The following ATP2A3 variants were observed in gnomAD, a reference collection of about 807,000 sequenced individuals.
ATP2A3 encodes ATPase sarcoplasmic/endoplasmic reticulum Ca2+ transporting 3, also known as sarcoplasmic/endoplasmic reticulum calcium ATPase 3.
A neutral mutation model predicts 106.8 loss-of-function variants in ATP2A3; 61 were observed. That is an observed-to-expected ratio of 0.57 (90% CI 0.46 to 0.71). The LOEUF (loss-of-function observed/expected upper bound fraction) is 0.71. ATP2A3 is among the 30% of genes least tolerant of loss of function. The pLI is 0.00. For missense variants in ATP2A3, 1,201 were observed against 1,423.5 expected (o/e 0.84, Z 2.52); for synonymous variants, 611 against 609.3 (o/e 1.00, Z -0.04).
At position 3,925,409 on chromosome 17, in the gene ATP2A3, C is replaced by T. The variant is rs1567670724; in HGVS notation, c.*13G>A. On this transcript the variant is annotated 3_prime_UTR_variant, in exon 21 of 21. Transcript: ENST00000397041. The surrounding 1 kb of genome is among the most constrained non-coding windows in gnomAD (Gnocchi z 4.2). ...TGAGGTACACACCGGAGACTCCACT[C>T]TGTTCCCAGCGCTCACTTCTGGCTC... 1.2e-6 allele frequency: 2 copies of T among 1,613,884 alleles called. No homozygotes were observed. The highest frequency in any genetic ancestry group is 3.3e-5 in the Admixed American group (2 of 60,004).
chr17:3,924,518 T>C lies in ATP2A3; in HGVS notation c.*904A>G. 3.1e-6 allele frequency: 1 copy of C among 321,388 alleles called. No homozygotes were observed. Among genetic ancestry groups the C allele is most frequent in the East Asian group, 9.6e-5 (1 of 10,434 alleles). 19.9% of individuals were successfully genotyped at this position (321,388 alleles called of 1,614,324 possible). On this transcript the variant is annotated 3_prime_UTR_variant, in exon 21 of 21. Transcript: ENST00000397041. This position sits in a 1 kb window ranked among gnomAD's most constrained non-coding sequence, Gnocchi z 6.4. ...TGCAGACAGCGCGGCGGCCGCACACTGGGCTGGGTAGAAGGGCGCCACGGT... is the reference window on the plus strand; with the variant it reads ...TGCAGACAGCGCGGCGGCCGCACACCGGGCTGGGTAGAAGGGCGCCACGGT...
chr17:3,935,373 G>T, intron 16 of ATP2A3, 96 bp from the exon 17 acceptor site: 2 of 1,204,312 alleles, frequency 1.7e-6, no homozygotes, highest in Non-Finnish European at 1.2e-6. Flanking sequence ...CCTGCAGGGA[G>T]CCACCCTTTT....
At chr17:3,927,856 GCCC>G (rs936879068) in intron 20 of ATP2A3, 8 of 1,550,410 alleles carry the variant, frequency 5.2e-6, no homozygotes, top group Non-Finnish European at 6.9e-6. Context: ...GCCAGAGGTG[GCCC>G]CCAACGACCC....
At position 3,928,785 on chromosome 17, in the gene ATP2A3, C is replaced by T. The variant is rs73328992; in HGVS notation, c.2863-5G>A. On this transcript the variant is annotated splice_region_variant and splice_polypyrimidine_tract_variant and intron_variant, in intron 19 of 20. Transcript: ENST00000397041. The surrounding 1 kb of genome is among the most constrained non-coding windows in gnomAD (Gnocchi z 6.1). ...TGGGGTCACCTGGAAAATGAGCTGGCGGGGAGGGGAAGGGAGGTTTGGTTA... is the reference window on the plus strand; with the variant it reads ...TGGGGTCACCTGGAAAATGAGCTGGTGGGGAGGGGAAGGGAGGTTTGGTTA... The T allele has an allele frequency of 0.011, 17,810 of 1,552,320 alleles. 1,704 individuals are homozygous for T. In the African/African-American group the frequency reaches 0.21, roughly 19 times the overall value.
intron 14 of ATP2A3, among the ~76,000 whole-genome samples, chr17:3,939,447 T>G (rs1192191770): frequency 1.3e-5 from 2 of 152,002 alleles, no homozygotes; most frequent in Non-Finnish European, 2.9e-5. Context: ...CAAAGAGGAA[T>G]GGTTCAATAA....
At position 3,926,189 on chromosome 17, in the gene ATP2A3, G is replaced by A. The variant is rs553958060; in HGVS notation, c.2981-748C>T. On this transcript the variant is annotated intron_variant, in intron 20 of 20. Coordinates refer to ENST00000397041, the MANE Select transcript of ATP2A3 (RefSeq NM_005173.4). This position sits in a 1 kb window ranked among gnomAD's most constrained non-coding sequence, Gnocchi z 4.6. Reference sequence around the variant, plus strand: ...ATCCCTCGTAAATGACATAAATCACGGGGAAGCCACAAGCATCAGGCTTCA... The same window carrying A: ...ATCCCTCGTAAATGACATAAATCACAGGGAAGCCACAAGCATCAGGCTTCA... Among the ~76,000 whole-genome samples, 67 of 152,298 alleles carry A rather than the reference G, an allele frequency of 4.4e-4. No homozygotes were observed. The highest frequency in any genetic ancestry group is 3.4e-3 in the Middle Eastern group (1 of 294).
At chr17:3,952,642 T>C (rs1222652505) in intron 3 of ATP2A3, among the ~76,000 whole-genome samples, 1 of 152,190 alleles carries the variant, frequency 6.6e-6, no homozygotes, top group African/African-American at 2.4e-5. Context: ...CAGGCTGGAA[T>C]GCAGTGGTGT....
intron 12 of ATP2A3, 101 bp from the exon 13 acceptor site, chr17:3,941,755 G>GCCA: frequency 2.4e-6 from 3 of 1,266,456 alleles, no homozygotes; most frequent in Non-Finnish European, 3.3e-6. Flanking sequence ...ACGGGCAAAG[G>GCCA]CCACCCAAGG....
rs912535929 is a variant in ATP2A3 at position 3,927,794 on chromosome 17, G to C, written c.2980+869C>G. 5 of 985,128 alleles carry C rather than the reference G, an allele frequency of 5.1e-6. No homozygotes were observed. The South Asian group carries it at 1.4e-4, about 28-fold the overall frequency. The allele number at this position is 985,128 out of a possible 1,614,324, so 61.0% of individuals were successfully genotyped here. A position where few individuals can be genotyped will look rare whatever the true frequency, so the allele number is the denominator to read the frequency against. On this transcript the variant is annotated intron_variant, in intron 20 of 20. Coordinates refer to ENST00000397041, the MANE Select transcript of ATP2A3 (RefSeq NM_005173.4). ...CTTGCTCAGCCCCTAGGGAATGACA[G>C]ACGCGTGATCTATTTATAGTCCCTC... is the stretch of plus-strand genomic sequence containing the variant.
rs1043975469 is a variant in ATP2A3 at position 3,926,392 on chromosome 17, C to T, written c.2981-951G>A. Among the ~76,000 whole-genome samples the T allele has an allele frequency of 1.3e-5, 2 of 152,134 alleles. No homozygotes were observed. Among genetic ancestry groups the T allele is most frequent in the Non-Finnish European group, 2.9e-5 (2 of 68,024 alleles). On this transcript the variant is annotated intron_variant, in intron 20 of 20. Coordinates refer to ENST00000397041, the MANE Select transcript of ATP2A3 (RefSeq NM_005173.4). The surrounding 1 kb of genome is among the most constrained non-coding windows in gnomAD (Gnocchi z 4.6). ...CTCCACCCCACCCCTCAGATGGAGC[C>T]GCAGGTACCCAGCCTGTGTCTGTCC...
chr17:3,927,966 G>A, intron 20 of ATP2A3: 1 of 1,613,692 alleles, frequency 6.2e-7, no homozygotes. Context: ...CAAATTCCCA[G>A]GAACCGGAGC....
Position 3,930,567 on chromosome 17 carries a change from GGCTGGGGATCCCGGGA to G in ATP2A3, c.2611-149_2611-134del. 2.2e-6 allele frequency: 3 copies of G among 1,384,186 alleles called. No individual in the cohort carries two copies. The highest frequency in any genetic ancestry group is 3.0e-6 in the Non-Finnish European group (3 of 1,008,786). The allele number at this position is 1,384,186 out of a possible 1,614,324, so 85.7% of individuals were successfully genotyped here. On this transcript the variant is annotated intron_variant, in intron 17 of 20. Transcript: ENST00000397041. The surrounding 1 kb of genome is among the most constrained non-coding windows in gnomAD (Gnocchi z 5.4). ...GCACACAAAACACTGCCGTGGGGTG[GGCTGGGGATCCCGGGA>G]GGGGTGCGGGGTCGGGGCGGCGGTG... is the stretch of plus-strand genomic sequence containing the variant.
Position 3,942,915 on chromosome 17 carries a change from G to A in ATP2A3, c.1420-184C>T, listed in dbSNP as rs141450550. 3.0e-3 allele frequency among the ~76,000 whole-genome samples: 453 copies of A among 152,264 alleles called. 1 individual carries two copies. The highest frequency in any genetic ancestry group is 3.4e-3 in the Middle Eastern group (1 of 294). ...GCCCCAGAAATGGCAATACGATGCC[G>A]TTTGCTGACCATGCTGTGTGCAGCC... On this transcript the variant is annotated intron_variant, in intron 11 of 20. Transcript: ENST00000397041.
In ATP2A3 at chr17:3,944,737, G is replaced by A; in HGVS notation, c.1254C>T (p.Ala418=). The A allele has an allele frequency of 6.2e-7, 1 of 1,613,358 alleles. No homozygotes were observed. The highest frequency in any genetic ancestry group is 8.5e-7 in the Non-Finnish European group (1 of 1,179,728). Residue 418 remains alanine (A), a synonymous_variant, in exon 10 of 21, where the codon GCC becomes GCT. Transcript: ENST00000397041. The stretch of plus-strand genomic sequence containing the variant: ...AGTCCAGAGCCGAGTCGTTGCACAG[G>A]GCGCAGATGGTCGCCAGCTCCACCA... The part of the protein sequence containing the change: ...DGLVELATIC[A]LCNDSALDYN...
Position 3,942,858 on chromosome 17 carries a change from C to T in ATP2A3, c.1420-127G>A, listed in dbSNP as rs183991780. 64 of 1,417,600 alleles carry T rather than the reference C, an allele frequency of 4.5e-5. No individual in the cohort carries two copies. The Admixed American group carries it at 1.0e-3, about 22-fold the overall frequency. 87.8% of individuals were successfully genotyped at this position (1,417,600 alleles called of 1,614,324 possible). A position where few individuals can be genotyped will look rare whatever the true frequency, so the allele number is the denominator to read the frequency against. The stretch of plus-strand genomic sequence containing the variant: ...GGGATGACATCTACACTCCTCTGAC[C>T]CCACCATTCAAGGCCTCCATTTCCC... On this transcript the variant is annotated intron_variant, in intron 11 of 20. Transcript: ENST00000397041.
chr17:3,943,250 C>T (rs2053883774), intron 11 of ATP2A3, 141 bp downstream of exon 11: 20 of 1,353,808 alleles, frequency 1.5e-5, no homozygotes, highest in Admixed American at 8.2e-5. Flanking sequence ...AAAGCCTGGG[C>T]GACAGAATGA....
In ATP2A3 at chr17:3,947,810, T is replaced by A; in HGVS notation, c.676A>T (p.Thr226Ser). 1.3e-6 allele frequency: 2 copies of A among 1,599,692 alleles called. No individual in the cohort carries two copies. The highest frequency in any genetic ancestry group is 2.2e-5 in the South Asian group (2 of 91,088). The stretch of plus-strand genomic sequence containing the variant: ...TTGCCCAGCTCCGTGTGCAGGCCGG[T>A]GGCCACGGCCACACCCACCGCTTTG... ...SGKAVGVAVA[T>S]GLHTELGKIR... Residue 226 changes from threonine (T) to serine (S), a missense_variant, in exon 8 of 21, where the codon ACC becomes TCC. By Grantham distance (58) the Thr-to-Ser change is moderately conservative. This residue lies in a region of ATP2A3 where 935 missense variants were observed against 1,176.7 expected (regional missense o/e 0.79). Coordinates refer to ENST00000397041, the MANE Select transcript of ATP2A3 (RefSeq NM_005173.4). The surrounding 1 kb of genome is among the most constrained non-coding windows in gnomAD (Gnocchi z 7.7).
chr17:3,930,118 T>G lies in ATP2A3; in HGVS notation c.2744+183A>C, dbSNP rs2052974589. Among the ~76,000 whole-genome samples the G allele has an allele frequency of 7.0e-6, 1 of 142,444 alleles. No individual in the cohort carries two copies. Among genetic ancestry groups the G allele is most frequent in the Non-Finnish European group, 1.5e-5 (1 of 65,924 alleles). 93.4% of individuals were successfully genotyped at this position (142,444 alleles called of 152,430 possible). ...CCTCTTGACCCACAGACCCCAATCC[T>G]GGACCCCTGACCCTCAGACACTGAT... is the stretch of plus-strand genomic sequence containing the variant. On this transcript the variant is annotated intron_variant, in intron 18 of 20. Transcript: ENST00000397041. The surrounding 1 kb of genome is among the most constrained non-coding windows in gnomAD (Gnocchi z 5.4).
rs1400788304 is a variant in ATP2A3 at position 3,951,368 on chromosome 17, T to C, written c.346A>G (p.Ile116Val). 6.2e-7 allele frequency: 1 copy of C among 1,613,796 alleles called. No individual in the cohort carries two copies. The highest frequency in any genetic ancestry group is 1.7e-5 in the Admixed American group (1 of 60,032). ...GGCTCATACTCCTTCAGGGCCTCGA[T>C]GGCACTCTCGGCGTTGCGTTCCTGC... Reference protein sequence around the residue: ...VWQERNAESAIEALKEYEPEM... With the variant: ...VWQERNAESAVEALKEYEPEM... The change falls in exon 5 of 21, where the codon ATC becomes GTC. Residue 116 changes from isoleucine to valine, a missense_variant. By Grantham distance (29) the Ile-to-Val change is conservative. This residue lies in a region of ATP2A3 where 266 missense variants were observed against 246.8 expected (regional missense o/e 1.08). Transcript: ENST00000397041.
Sources: gnomAD v4.1 joint callset for allele counts (sites outside exome capture counted in the v4.1 genomes callset) on GRCh38, gnomAD v4.1.1 for gene constraint, gnomAD v4.1.1 regional missense constraint, Gnocchi (gnomAD v3.1) non-coding constraint, MANE v1.5 for transcripts, NCBI Gene and HGNC (gene_info 2026-07-23, HGNC 2026-07-21) for gene names.